The following RHPN2 variants were observed in gnomAD, a reference collection of about 807,000 sequenced individuals.
The protein encoded by RHPN2 is rhophilin Rho GTPase binding protein 2, also known as rhophilin-2.
A neutral mutation model predicts 79.0 loss-of-function variants in RHPN2; 40 were observed. The ratio of observed to expected loss-of-function variants is 0.51; its 90% CI spans 0.39 to 0.66. RHPN2 has a LOEUF of 0.66. RHPN2 is among the 30% of genes least tolerant of loss of function. RHPN2 has a pLI of 0.00. For missense variants in RHPN2, 686 were observed against 883.5 expected (o/e 0.78, Z 2.83); for synonymous variants, 285 against 363.5 (o/e 0.78, Z 2.46).
At chr19:33,049,906 A>T (rs949949443) in intron 1 of RHPN2, among the ~76,000 whole-genome samples, 3 of 152,084 alleles carry the variant, frequency 2.0e-5, no homozygotes, top group African/African-American at 7.2e-5. Context: ...GTAGGAATGC[A>T]TGCAACCCCC....
chr19:33,064,714 C>A (rs1161447984), intron 1 of RHPN2, 70 bp downstream of exon 1: 6 of 1,478,726 alleles, frequency 4.1e-6, no homozygotes, highest in Non-Finnish European at 5.4e-6. Flanking sequence ...CTCCCACGGC[C>A]CCTGCAGGGC....
rs2145235672 is a variant in RHPN2, at chr19:33,008,141, G to A, written c.633C>T (p.Asn211=). ...GGACACTGGCCTTCTCCAGCAGCAG[G>A]TTCTGCTGGCTGACCGGAACCCCGG... ...SLTGVPVSQQ[N]LLLEKASVLF... The change falls in exon 7 of 15, where the codon AAC becomes AAT. Residue 211 remains asparagine, a synonymous_variant. Coordinates refer to ENST00000254260, the MANE Select transcript of RHPN2 (RefSeq NM_033103.5). 6.2e-7 allele frequency: 1 copy of A among 1,614,050 alleles called. No individual in the cohort carries two copies. The highest frequency in any genetic ancestry group is 8.5e-7 in the Non-Finnish European group (1 of 1,179,996).
At chr19:32,991,070 C>T (rs1307405553) in intron 13 of RHPN2, among the ~76,000 whole-genome samples, 1 of 151,382 alleles carries the variant, frequency 6.6e-6, no homozygotes, top group Non-Finnish European at 1.5e-5. Context: ...GCCTGTAATC[C>T]TAGCACTCTG....
chr19:33,011,764 G>A lies in RHPN2; in HGVS notation c.508C>T (p.Leu170=). The A allele has an allele frequency of 6.2e-7, 1 of 1,613,970 alleles. No homozygotes were observed. Among genetic ancestry groups the A allele is most frequent in the Non-Finnish European group, 8.5e-7 (1 of 1,179,860 alleles). Reference sequence around the variant, plus strand: ...AGCTGGATGAAGTATGTCATCAGCAGTTCCACCCCGGCCTCATCCCGGCTA... The same window carrying A: ...AGCTGGATGAAGTATGTCATCAGCAATTCCACCCCGGCCTCATCCCGGCTA... ...TPSRDEAGVE[L]LMTYFIQLGF... The change falls in exon 6 of 15, where the codon CTG becomes TTG. Residue 170 remains leucine (L), a synonymous_variant. Coordinates refer to ENST00000254260, the MANE Select transcript of RHPN2 (RefSeq NM_033103.5).
At chr19:33,059,212 G>A (rs1382928259) in intron 1 of RHPN2, among the ~76,000 whole-genome samples, 1 of 151,712 alleles carries the variant, frequency 6.6e-6, no homozygotes, top group Non-Finnish European at 1.5e-5. Context: ...CCCCCGCCTC[G>A]ACTCCTGGGC....
At chr19:32,996,509 G>C (rs1971703487) in intron 10 of RHPN2, 3 of 471,632 alleles carry the variant, frequency 6.4e-6, no homozygotes, top group Admixed American at 6.6e-5. Flanking sequence ...CTGCTGATAA[G>C]ATACTGAGGC....
At position 32,985,215 on chromosome 19, in the gene RHPN2, G is replaced by A. The variant is rs184052616; in HGVS notation, c.1801-4959C>T. 1.2e-4 allele frequency among the ~76,000 whole-genome samples: 18 copies of A among 152,162 alleles called. 1 individual carries two copies. The East Asian group carries it at 3.3e-3, about 28-fold the overall frequency. ...TCTCCAACTCCTGACCTCAGGTGAT[G>A]AGAAGGGAGGATCTTTTGAGTCCTA... On this transcript the variant is annotated intron_variant, in intron 14 of 14. Transcript: ENST00000254260.
chr19:33,031,243 C>CTATTCTATTCTATTA (rs1390111373), intron 2 of RHPN2, among the ~76,000 whole-genome samples: 1 of 151,426 alleles, frequency 6.6e-6, no homozygotes. Context: ...CTATTCTATT[C>CTATTCTATTCTATTA]TATTCTATTC....
intron 1 of RHPN2, among the ~76,000 whole-genome samples, chr19:33,060,725 G>T (rs1373218206): frequency 6.6e-6 from 1 of 152,118 alleles, no homozygotes. Flanking sequence ...TAGAGATGGG[G>T]TCTTGCTTAT....
chr19:32,988,306 A>C (rs1971628129), intron 14 of RHPN2, among the ~76,000 whole-genome samples: 2 of 152,104 alleles, frequency 1.3e-5, no homozygotes. Context: ...ATCAAGCCAA[A>C]AACTGAGGCC....
At chr19:33,031,202 T>C (rs922289520) in intron 2 of RHPN2, among the ~76,000 whole-genome samples, 21 of 145,430 alleles carry the variant, frequency 1.4e-4, no homozygotes, top group Non-Finnish European at 3.0e-5. Context: ...TTTTATTCTA[T>C]TCTATTCTTT....
chr19:33,060,727 C>T (rs1333888001), intron 1 of RHPN2, among the ~76,000 whole-genome samples: 1 of 152,154 alleles, frequency 6.6e-6, no homozygotes, highest in Non-Finnish European at 1.5e-5. Context: ...GAGATGGGGT[C>T]TTGCTTATTG....
intron 2 of RHPN2, among the ~76,000 whole-genome samples, chr19:33,037,327 C>G (rs1039982870): frequency 5.9e-5 from 9 of 152,190 alleles, no homozygotes; most frequent in African/African-American, 2.2e-4. Flanking sequence ...ACTGTAAATG[C>G]ACCAATCAGC....
At chr19:33,055,443 C>T (rs946814236) in intron 1 of RHPN2, among the ~76,000 whole-genome samples, 1 of 151,982 alleles carries the variant, frequency 6.6e-6, no homozygotes, top group Non-Finnish European at 1.5e-5. Context: ...TCTCCTCTGC[C>T]TCCCTCCCTC....
intron 14 of RHPN2, among the ~76,000 whole-genome samples, chr19:32,984,584 G>A (rs1279899613): frequency 4.6e-5 from 7 of 151,966 alleles, no homozygotes; most frequent in Non-Finnish European, 7.4e-5. Context: ...GCTTGAACCC[G>A]GGAGGTGAGG....
Position 33,032,016 on chromosome 19 carries a change from C to CTTT in RHPN2, c.186-5387_186-5385dup, listed in dbSNP as rs34807523. Among the ~76,000 whole-genome samples, 182 of 91,326 alleles carry CTTT rather than the reference C, an allele frequency of 2.0e-3. 9 individuals are homozygous for CTTT. Among genetic ancestry groups the CTTT allele is most frequent in the African/African-American group, 4.7e-3 (98 of 20,998 alleles). 59.9% of individuals were successfully genotyped at this position (91,326 alleles called of 152,430 possible). A position where few individuals can be genotyped will look rare whatever the true frequency, so the allele number is the denominator to read the frequency against. On this transcript the variant is annotated intron_variant, in intron 2 of 14. Coordinates refer to ENST00000254260, the MANE Select transcript of RHPN2 (RefSeq NM_033103.5). Reference sequence around the variant, plus strand: ...TACAGGCGTGAGCCACCGGGCCGGTCTTTTTTTTTTTTTTTTTTTTTTGAG... The same window carrying CTTT: ...TACAGGCGTGAGCCACCGGGCCGGTCTTTTTTTTTTTTTTTTTTTTTTTTTGAG...
intron 7 of RHPN2, among the ~76,000 whole-genome samples, chr19:33,003,497 G>C (rs1326330707): frequency 6.6e-6 from 1 of 150,986 alleles, no homozygotes; most frequent in Non-Finnish European, 1.5e-5. Flanking sequence ...CCAAACAATT[G>C]AAAGTGGGGG....
In RHPN2 at chr19:33,063,286, G is replaced by A. The variant is rs1217337321; in HGVS notation, c.69+1498C>T. On this transcript the variant is annotated intron_variant, in intron 1 of 14. Coordinates refer to ENST00000254260, the MANE Select transcript of RHPN2 (RefSeq NM_033103.5). ...CAAAACTACTTTTTTTTTTTTTAAT[G>A]CTAAAAGCAACTTCACAAAAAAGAA... 1.0e-4 allele frequency among the ~76,000 whole-genome samples: 15 copies of A among 147,654 alleles called. No homozygotes were observed. The South Asian group carries it at 3.2e-3, about 31-fold the overall frequency.
At chr19:32,983,234 G>T (rs565682686) in intron 14 of RHPN2, among the ~76,000 whole-genome samples, 131 of 151,470 alleles carry the variant, frequency 8.6e-4, no homozygotes, top group African/African-American at 2.7e-3. Flanking sequence ...CTTTCTTGGC[G>T]GGGCGTGGTG....
Sources: allele counts gnomAD v4.1 joint callset (sites outside exome capture counted in the v4.1 genomes callset), GRCh38; gene constraint gnomAD v4.1.1; transcripts MANE v1.5; gene names NCBI Gene and HGNC (gene_info 2026-07-23, HGNC 2026-07-21).